LMLN: variants seen among roughly 807,000 people sequenced by gnomAD.
LMLN encodes leishmanolysin like peptidase.
Under a neutral mutation model 92.3 loss-of-function variants are expected in LMLN, and 70 were observed. That is an observed-to-expected ratio of 0.76 (90% CI 0.63 to 0.92). The LOEUF (loss-of-function observed/expected upper bound fraction) is 0.92. LMLN is among the 40% of genes least tolerant of loss of function. The pLI is 0.00. For missense variants in LMLN, 691 were observed against 814.6 expected (o/e 0.85, Z 1.85); for synonymous variants, 308 against 296.2 (o/e 1.04, Z -0.41).
At chr3:198,002,968 T>C in intron 11 of LMLN, 47 bp from the exon 12 acceptor site, 1 of 1,099,344 alleles carries the variant, frequency 9.1e-7, no homozygotes, top group South Asian at 1.4e-5. Flanking sequence ...TAGAGTTGTT[T>C]TTGAAAGGAC....
chr3:197,976,395 T>G, intron 4 of LMLN: 1 of 512,708 alleles, frequency 2.0e-6, no homozygotes, highest in Non-Finnish European at 3.5e-6. Context: ...CAGTGTTGGC[T>G]TTATGAAGTA....
intron 3 of LMLN, 148 bp from the exon 4 acceptor site, chr3:197,975,881 A>G: frequency 1.9e-6 from 1 of 535,504 alleles, no homozygotes; most frequent in Non-Finnish European, 3.3e-6. Context: ...CTCTCTTCCT[A>G]CCCCTTGCCA....
At chr3:198,018,718 G>A (rs1379609230) in intron 11 of LMLN, among the ~76,000 whole-genome samples, 1 of 152,090 alleles carries the variant, frequency 6.6e-6, no homozygotes, top group East Asian at 1.9e-4. Context: ...CAATTTGTTA[G>A]ACCAGTATTA....
At chr3:198,026,604 C>G (rs534265868) in intron 14 of LMLN, among the ~76,000 whole-genome samples, 1 of 152,178 alleles carries the variant, frequency 6.6e-6, no homozygotes, top group Non-Finnish European at 1.5e-5. Context: ...CAGTCCTGGC[C>G]GAATATTTCT....
At chr3:198,039,795 C>G (rs946852811) in exon 16 of LMLN, 2 of 152,136 alleles carry the variant, frequency 1.3e-5, no homozygotes, top group African/African-American at 4.8e-5. Context: ...CTCCTCAGAG[C>G]CCAGCTTCCA....
rs1722729852 is a variant in LMLN, at chr3:198,019,760, C to G, written c.1365+375C>G. On this transcript the variant is annotated intron_variant, in intron 12 of 15. Coordinates refer to ENST00000330198, the Ensembl canonical transcript of LMLN. This position sits in a 1 kb window ranked among gnomAD's most constrained non-coding sequence, Gnocchi z 5.5. ...CCAGTTAATTAGAAGACTTGGAAAC[C>G]CTGCTTTGGAAAAGATTTGATTCAT... is the stretch of plus-strand genomic sequence containing the variant. Among the ~76,000 whole-genome samples the G allele has an allele frequency of 6.6e-6, 1 of 152,088 alleles. No individual in the cohort carries two copies. The highest frequency in any genetic ancestry group is 2.4e-5 in the African/African-American group (1 of 41,416).
chr3:198,030,851 C>G (rs145537519), intron 14 of LMLN, among the ~76,000 whole-genome samples: 119 of 152,254 alleles, frequency 7.8e-4, no homozygotes, highest in African/African-American at 2.8e-3. Context: ...CACTGTGACG[C>G]CTGCTGACAG....
At chr3:197,976,385 C>T (rs1334259306) in intron 4 of LMLN, 3 of 497,324 alleles carry the variant, frequency 6.0e-6, no homozygotes, top group African/African-American at 4.0e-5. Flanking sequence ...CATGTGGATA[C>T]AGTGTTGGCT....
At position 198,031,285 on chromosome 3, in the gene LMLN, C is replaced by T. The variant is rs573575099; in HGVS notation, c.1657-4548C>T. Among the ~76,000 whole-genome samples the T allele has an allele frequency of 7.2e-5, 11 of 152,260 alleles. No individual in the cohort carries two copies. Among genetic ancestry groups the T allele is most frequent in the African/African-American group, 2.4e-4 (10 of 41,552 alleles). ...ATTATTTTAAGAAGGTCTGTTTGTA[C>T]CAAATTCTTTGGCTTTGACTCCCCA... On this transcript the variant is annotated intron_variant, in intron 14 of 15. Coordinates refer to ENST00000330198, the Ensembl canonical transcript of LMLN. The surrounding 1 kb of genome is among the most constrained non-coding windows in gnomAD (Gnocchi z 4.8).
chr3:198,011,950 G>A (rs1722454689), intron 11 of LMLN, among the ~76,000 whole-genome samples: 2 of 152,136 alleles, frequency 1.3e-5, no homozygotes, highest in South Asian at 4.1e-4. Flanking sequence ...CCTACAGAAT[G>A]GGAGAAAATT....
chr3:198,012,884 C>T (rs1246264512), intron 11 of LMLN, among the ~76,000 whole-genome samples: 2 of 129,306 alleles, frequency 1.5e-5, no homozygotes, highest in South Asian at 2.5e-4. Context: ...CTTCAGAGTC[C>T]CCTAACTAGT....
rs780960340 is a variant in LMLN at position 197,985,846 on chromosome 3, T to C, written c.885T>C (p.Pro295=). 29 of 1,613,830 alleles carry C rather than the reference T, an allele frequency of 1.8e-5. No individual in the cohort carries two copies. In the East Asian group the frequency reaches 6.0e-4, roughly 33 times the overall value. ...TCTACCATGATAAAGATGGAAATCC[T>C]CTCACTTCAAGATTTGCAGATGGCC... is the stretch of plus-strand genomic sequence containing the variant. Residue 295 remains proline, a synonymous_variant, in exon 8 of 16, where the codon CCT becomes CCC. Transcript: ENST00000330198.
chr3:197,999,534 T>C, intron 11 of LMLN, 192 bp downstream of exon 11: 4 of 580,602 alleles, frequency 6.9e-6, no homozygotes, highest in Middle Eastern at 4.3e-4. Context: ...ATAAATACTT[T>C]TGTTGTTGGT....
intron 7 of LMLN, among the ~76,000 whole-genome samples, chr3:197,984,936 C>G (rs1016719814): frequency 2.0e-5 from 3 of 152,092 alleles, no homozygotes; most frequent in Admixed American, 6.5e-5. Flanking sequence ...CCTCAGCCTC[C>G]CAAAGTGCTG....
rs7648542 is a variant in LMLN, at chr3:198,035,386, C to G, written c.1657-447C>G. Among the ~76,000 whole-genome samples, 5 of 125,746 alleles carry G rather than the reference C, an allele frequency of 4.0e-5. No individual in the cohort carries two copies. The South Asian group carries it at 1.3e-3, about 32-fold the overall frequency. 82.5% of individuals were successfully genotyped at this position (125,746 alleles called of 152,430 possible). A position where few individuals can be genotyped will look rare whatever the true frequency, so the allele number is the denominator to read the frequency against. On this transcript the variant is annotated intron_variant, in intron 14 of 15. Transcript: ENST00000330198. ...GTTTTTTTTTTTTTTTTTTTTGACA[C>G]GGAGTCTCGCTCTGTTGGCAGGCTG...
At chr3:198,030,971 G>C (rs1723063877) in intron 14 of LMLN, among the ~76,000 whole-genome samples, 1 of 139,068 alleles carries the variant, frequency 7.2e-6, no homozygotes, top group Admixed American at 7.4e-5. Context: ...CTGCCCTCAG[G>C]GTCCTCAGCT....
exon 16 of LMLN, chr3:198,039,729 A>G (rs1318444854): frequency 2.0e-5 from 3 of 152,196 alleles, no homozygotes; most frequent in Non-Finnish European, 2.9e-5. Context: ...TTTGCCAGCT[A>G]TGTGGCAGTT....
chr3:197,994,281 C>A (rs139432895), intron 9 of LMLN, among the ~76,000 whole-genome samples: 1 of 152,116 alleles, frequency 6.6e-6, no homozygotes, highest in African/African-American at 2.4e-5. Context: ...TTACATCAGA[C>A]GCAGAAGCCT....
At chr3:198,009,495 A>G (rs1386549361) in intron 11 of LMLN, among the ~76,000 whole-genome samples, 2 of 152,170 alleles carry the variant, frequency 1.3e-5, no homozygotes, top group African/African-American at 4.8e-5. Context: ...ATGAACTAGG[A>G]AGTTTTTCCT....
Sources: allele counts gnomAD v4.1 joint callset (sites outside exome capture counted in the v4.1 genomes callset), GRCh38; gene constraint gnomAD v4.1.1; non-coding constraint Gnocchi (gnomAD v3.1); transcripts MANE v1.5; gene names NCBI Gene and HGNC (gene_info 2026-07-23, HGNC 2026-07-21).